Variants in LARP1 observed in about 807,000 individuals in gnomAD.
LARP1 encodes the protein La ribonucleoprotein 1, translational regulator, also known as la-related protein 1.
A neutral mutation model predicts 122.7 loss-of-function variants in LARP1; 36 were observed. The observed-to-expected ratio is 0.29, with a 90% CI of 0.22 to 0.39. The LOEUF (loss-of-function observed/expected upper bound fraction) is 0.39, where lower values mean the gene tolerates loss of function less well. Ranked by LOEUF, LARP1 falls within the 10% of genes least tolerant of loss-of-function variation. LARP1 has a pLI of 1.00. For synonymous variants in LARP1, 539 were observed against 528.7 expected, an observed-to-expected ratio of 1.02 and a Z score of -0.27; for missense variants, 1,040 against 1,403.6, an observed-to-expected ratio of 0.74 and a Z score of 4.14.
At chr5:154,710,742 C>CAAAAAA (rs35253134), upstream of LARP1, among the ~76,000 whole-genome samples, 2 of 92,416 alleles carry the variant, frequency 2.2e-5, no homozygotes, top group Non-Finnish European at 2.1e-5. Flanking sequence ...GACTCCATCT[C>CAAAAAA]AAAAAAAAAA....
intron 10 of LARP1, among the ~76,000 whole-genome samples, chr5:154,801,301 G>A (rs1431396077): frequency 3.9e-5 from 6 of 152,146 alleles, no homozygotes; most frequent in Non-Finnish European, 8.8e-5. Flanking sequence ...TCATCCTGTG[G>A]TAGTCACTTC....
intron 3 of LARP1, among the ~76,000 whole-genome samples, chr5:154,791,497 C>T (rs1353883894): frequency 6.6e-6 from 1 of 152,256 alleles, no homozygotes; most frequent in East Asian, 1.9e-4. Flanking sequence ...GTGTGAGCCA[C>T]TGTCCCCAGC....
intron 1 of LARP1, among the ~76,000 whole-genome samples, chr5:154,715,351 G>A (rs1240149515): frequency 8.1e-6 from 1 of 123,842 alleles, no homozygotes; most frequent in Non-Finnish European, 1.6e-5. Flanking sequence ...CGCAACCTCC[G>A]CCTCCCGGGT....
At position 154,778,992 on chromosome 5, in the gene LARP1, A is replaced by G. The variant is rs905733743; in HGVS notation, c.437-11333A>G. Among the ~76,000 whole-genome samples, 14 of 152,158 alleles carry G rather than the reference A, an allele frequency of 9.2e-5. No homozygotes were observed. The East Asian group carries it at 1.3e-3, about 15-fold the overall frequency. ...ATTTAACAGAGTGTCCTGAATTGCT[A>G]TTTGCTAAATCTGGCAACCATATTC... On this transcript the variant is annotated intron_variant, in intron 1 of 18. Coordinates refer to ENST00000518297, the MANE Select transcript of LARP1 (RefSeq NM_033551.3).
At chr5:154,762,263 A>T (rs1754518135) in intron 1 of LARP1, among the ~76,000 whole-genome samples, 2 of 152,086 alleles carry the variant, frequency 1.3e-5, no homozygotes, top group South Asian at 2.1e-4. Flanking sequence ...CAAAAAAACC[A>T]AAAAAACCTC....
chr5:154,726,613 A>G (rs1460748849), intron 1 of LARP1, among the ~76,000 whole-genome samples: 1 of 152,268 alleles, frequency 6.6e-6, no homozygotes, highest in African/African-American at 2.4e-5. Context: ...CAAATACAGC[A>G]TCCGAAATTA....
intron 1 of LARP1, among the ~76,000 whole-genome samples, chr5:154,777,721 G>A (rs1288776753): frequency 6.6e-6 from 1 of 152,068 alleles, no homozygotes; most frequent in African/African-American, 2.4e-5. Context: ...ACAAAGAAAG[G>A]ATAAATGCTG....
intron 3 of LARP1, chr5:154,792,038 G>A: frequency 2.2e-6 from 1 of 449,450 alleles, no homozygotes; most frequent in Non-Finnish European, 4.5e-6. Flanking sequence ...TCCCCAGCCT[G>A]TGTTCTCCAT....
At chr5:154,790,612 T>A (rs2113767882) in intron 2 of LARP1, 33 bp from the exon 3 acceptor site, 1 of 1,611,786 alleles carries the variant, frequency 6.2e-7, no homozygotes, top group African/African-American at 1.3e-5. Flanking sequence ...ACAGGGTCAC[T>A]CCTGGGGCCC....
intron 1 of LARP1, among the ~76,000 whole-genome samples, chr5:154,779,256 T>A (rs1756196997): frequency 6.6e-6 from 1 of 152,226 alleles, no homozygotes; most frequent in Non-Finnish European, 1.5e-5. Flanking sequence ...TGCTTGGCTC[T>A]CATTGATGTG....
chr5:154,729,524 C>G (rs548588954), intron 1 of LARP1: 12 of 425,454 alleles, frequency 2.8e-5, no homozygotes, highest in African/African-American at 1.7e-4. Flanking sequence ...TAAGAGCTGA[C>G]ATAGCTTCCT....
upstream of LARP1, among the ~76,000 whole-genome samples, chr5:154,752,312 G>C (rs747180882): frequency 2.6e-5 from 4 of 151,644 alleles, no homozygotes; most frequent in Admixed American, 6.6e-5. Context: ...GGGTGATCTC[G>C]GCTTACTGCA....
At position 154,793,985 on chromosome 5, in the gene LARP1, C is replaced by T. The variant is rs780627190; in HGVS notation, c.1054C>T (p.Arg352Trp). Reference sequence around the variant, plus strand: ...GCGTGGTCGCGGCCGGGGACGCGGCCGGGGTGGCACTCGAAGTACGTGAGG... The same window carrying T: ...GCGTGGTCGCGGCCGGGGACGCGGCTGGGGTGGCACTCGAAGTACGTGAGG... ...RGRGRGRGRGRGGTRTHFDYQ... is the reference protein window; with the variant it reads ...RGRGRGRGRGWGGTRTHFDYQ... The change falls in exon 6 of 19, where the codon CGG becomes TGG. Residue 352 changes from arginine to tryptophan, a missense_variant. This residue lies in a region of LARP1 where 178 missense variants were observed against 178.3 expected (regional missense o/e 1.00). Transcript: ENST00000518297. The T allele has an allele frequency of 3.1e-6, 5 of 1,610,352 alleles. No individual in the cohort carries two copies. Among genetic ancestry groups the T allele is most frequent in the East Asian group, 2.2e-5 (1 of 44,750 alleles).
At position 154,803,055 on chromosome 5, in the gene LARP1, G is replaced by T. The variant is rs1361453222; in HGVS notation, c.2110-235G>T. Among the ~76,000 whole-genome samples, 1 of 152,214 alleles carries T rather than the reference G, an allele frequency of 6.6e-6. No homozygotes were observed. Among genetic ancestry groups the T allele is most frequent in the Admixed American group, 6.5e-5 (1 of 15,282 alleles). ...AGGAGCTACTGTCAGCCTGATCTCA[G>T]TCTTACTACAGGGAGGGCAGGGCAA... On this transcript the variant is annotated intron_variant, in intron 11 of 18. Coordinates refer to ENST00000518297, the MANE Select transcript of LARP1 (RefSeq NM_033551.3). The surrounding 1 kb of genome is among the most constrained non-coding windows in gnomAD (Gnocchi z 4.4).
intron 1 of LARP1, among the ~76,000 whole-genome samples, chr5:154,725,083 A>G (rs1250853976): frequency 1.3e-5 from 2 of 151,870 alleles, no homozygotes; most frequent in African/African-American, 4.8e-5. Context: ...TGTCTCTACA[A>G]AAAAACTTTA....
chr5:154,800,107 A>G, intron 10 of LARP1, 65 bp downstream of exon 10: 1 of 1,422,128 alleles, frequency 7.0e-7, no homozygotes, highest in Non-Finnish European at 9.7e-7. Flanking sequence ...GAAGGGGATA[A>G]CACATGGGCA....
At chr5:154,790,451 G>T (rs994562709) in intron 2 of LARP1, 65 bp downstream of exon 2, 20 of 1,488,634 alleles carry the variant, frequency 1.3e-5, no homozygotes, top group South Asian at 1.2e-4. Flanking sequence ...TCCTGTTTTA[G>T]TGAATGCTCC....
intron 1 of LARP1, among the ~76,000 whole-genome samples, chr5:154,782,363 T>C (rs933110894): frequency 6.6e-6 from 1 of 152,136 alleles, no homozygotes; most frequent in African/African-American, 2.4e-5. Context: ...CTGTGTTGAT[T>C]ATTGATCAGC....
rs750511941 is a variant in LARP1, at chr5:154,799,914, A to G, written c.1588A>G (p.Thr530Ala). 7 of 1,614,038 alleles carry G rather than the reference A, an allele frequency of 4.3e-6. No individual in the cohort carries two copies. In the Admixed American group the frequency reaches 5.0e-5, roughly 12 times the overall value. Reference protein sequence around the residue: ...GSPRAVTPVPTKTEEVSNLKT... With the variant: ...GSPRAVTPVPAKTEEVSNLKT... ...TCCTCGTGCAGTCACCCCAGTGCCA[A>G]CCAAAACAGAGGAGGTCAGCAACCT... The change falls in exon 10 of 19, where the codon ACC becomes GCC. Residue 530 changes from threonine to alanine, a missense_variant. By Grantham distance (58) the Thr-to-Ala change is moderately conservative. Coordinates refer to ENST00000518297, the MANE Select transcript of LARP1 (RefSeq NM_033551.3).
Sources: gnomAD v4.1 joint callset for allele counts (sites outside exome capture counted in the v4.1 genomes callset) on GRCh38, gnomAD v4.1.1 for gene constraint, gnomAD v4.1.1 regional missense constraint, Gnocchi (gnomAD v3.1) non-coding constraint, MANE v1.5 for transcripts, NCBI Gene and HGNC (gene_info 2026-07-23, HGNC 2026-07-21) for gene names.